The following PTGIR variants were observed in gnomAD, a reference collection of about 807,000 sequenced individuals.
The protein encoded by PTGIR is prostaglandin I2 receptor.
A neutral mutation model predicts 17.6 loss-of-function variants in PTGIR; 16 were observed. That is an observed-to-expected ratio of 0.91 (90% CI 0.61 to 1.38). The LOEUF (loss-of-function observed/expected upper bound fraction) is 1.38, where lower values mean the gene tolerates loss of function less well. PTGIR is among the 40% of genes most tolerant of loss of function. PTGIR has a pLI of 0.00. For missense variants in PTGIR, 532 were observed against 548.6 expected, an observed-to-expected ratio of 0.97 and a Z score of 0.30; for synonymous variants, 274 against 255.4, an observed-to-expected ratio of 1.07 and a Z score of -0.69.
At chr19:46,619,547 A>AAGAAAGAGAGAG (rs775594524), downstream of PTGIR, among the ~76,000 whole-genome samples, 4 of 87,818 alleles carry the variant, frequency 4.6e-5, no homozygotes, top group Non-Finnish European at 9.6e-5. Context: ...GAAAGAAAGA[A>AAGAAAGAGAGAG]AGAGAGAGAG....
At chr19:46,624,463 C>G (rs1289845171) in intron 1 of PTGIR, 7 of 435,854 alleles carry the variant, frequency 1.6e-5, no homozygotes, top group African/African-American at 4.1e-5. Flanking sequence ...TCTTTTCTTT[C>G]GTTTCTTTTG....
At position 46,621,720 on chromosome 19, in the gene PTGIR, T is replaced by A; in HGVS notation, c.769-48A>T. On this transcript the variant is annotated intron_variant, in intron 2 of 2. Coordinates refer to ENST00000291294, the MANE Select transcript of PTGIR (RefSeq NM_000960.4). The surrounding 1 kb of genome is among the most constrained non-coding windows in gnomAD (Gnocchi z 4.8). ...AAGGAGCACCCAGGAGTCCTCAGCC[T>A]CCCCACCCTGGCTCCCTCCTCCCAC... The A allele has an allele frequency of 6.4e-7, 1 of 1,561,194 alleles. No individual in the cohort carries two copies. Among genetic ancestry groups the A allele is most frequent in the Non-Finnish European group, 8.7e-7 (1 of 1,151,696 alleles).
chr19:46,623,735 T>C lies in PTGIR; in HGVS notation c.491A>G (p.Tyr164Cys). 6.3e-7 allele frequency: 1 copy of C among 1,594,692 alleles called. No individual in the cohort carries two copies. The highest frequency in any genetic ancestry group is 8.5e-7 in the Non-Finnish European group (1 of 1,173,900). The stretch of plus-strand genomic sequence containing the variant: ...GAGGAAGCACCAGCTGCCGGGGCAG[T>C]ACTGCTGGTGTTGGCCCAGGCCCAG... ...PLLGLGQHQQ[Y>C]CPGSWCFLRM... The change falls in exon 2 of 3, where the codon TAC (tyrosine) becomes TGC (cysteine). Residue 164 changes from tyrosine to cysteine, a missense_variant. Tyr to Cys is a radical substitution (Grantham distance 194). Coordinates refer to ENST00000291294, the MANE Select transcript of PTGIR (RefSeq NM_000960.4).
intron 2 of PTGIR, 126 bp downstream of exon 2, chr19:46,623,332 G>C (rs182018073): frequency 8.2e-5 from 97 of 1,187,948 alleles, no homozygotes; most frequent in Admixed American, 7.4e-4. Context: ...GATTACAGGC[G>C]TGAGCCACCA....
At chr19:46,611,388 CACAG>C in the PTGIR span, among the ~76,000 whole-genome samples, 11 of 152,182 alleles carry the variant, frequency 7.2e-5, no homozygotes, top group South Asian at 6.2e-4. Context: ...GCTTTAGTCT[CACAG>C]GCAGCCAAAA....
chr19:46,612,327 G>A, the PTGIR span, among the ~76,000 whole-genome samples: 1 of 152,214 alleles, frequency 6.6e-6, no homozygotes, highest in Non-Finnish European at 1.5e-5. Context: ...CTGAGGATTG[G>A]ATGAGGCTAC....
downstream of PTGIR, among the ~76,000 whole-genome samples, chr19:46,616,951 A>G (rs971393176): frequency 1.3e-5 from 2 of 152,264 alleles, no homozygotes; most frequent in Non-Finnish European, 2.9e-5. Flanking sequence ...CAGCCGAAAA[A>G]GTTCTGAGGG....
downstream of PTGIR, among the ~76,000 whole-genome samples, chr19:46,619,573 G>A (rs1373147614): frequency 0.11 from 12,344 of 107,834 alleles, 1,410 homozygotes; most frequent in Middle Eastern, 0.15. Flanking sequence ...GAGAGAGAGA[G>A]AGAGAGAGAG....
downstream of PTGIR, among the ~76,000 whole-genome samples, chr19:46,619,656 A>AG (rs1164634219): frequency 1.6e-5 from 2 of 124,064 alleles, no homozygotes; most frequent in African/African-American, 3.1e-5. Flanking sequence ...AAAGAAAGAA[A>AG]AGAAAGAAAG....
downstream of PTGIR, among the ~76,000 whole-genome samples, chr19:46,616,572 T>C (rs1232863061): frequency 1.3e-5 from 2 of 152,084 alleles, no homozygotes; most frequent in African/African-American, 4.8e-5. Flanking sequence ...GACCTTGTGA[T>C]CTGCCTGCAT....
the PTGIR span, among the ~76,000 whole-genome samples, chr19:46,613,405 C>G: frequency 2.1e-5 from 3 of 140,978 alleles, no homozygotes; most frequent in Non-Finnish European, 4.6e-5. Flanking sequence ...GGCGCCATCT[C>G]GGCTCACTGC....
chr19:46,624,236 G>A lies in PTGIR; in HGVS notation c.-11C>T, dbSNP rs1360070349. On this transcript the variant is annotated splice_region_variant and 5_prime_UTR_variant, in exon 2 of 3. Transcript: ENST00000291294. ...GCACGAATCCGCCATCCCAGGTCTG[G>A]GCTGGAGGGTTCCCAAGGTGGGGGG... The A allele has an allele frequency of 2.1e-6, 3 of 1,428,300 alleles. No homozygotes were observed. Among genetic ancestry groups the A allele is most frequent in the African/African-American group, 3.0e-5 (2 of 67,468 alleles). The allele number at this position is 1,428,300 out of a possible 1,614,324, so 88.5% of individuals were successfully genotyped here. A position where few individuals can be genotyped will look rare whatever the true frequency, so the allele number is the denominator to read the frequency against.
At chr19:46,616,297 A>T (rs1971961002), downstream of PTGIR, among the ~76,000 whole-genome samples, 1 of 146,064 alleles carries the variant, frequency 6.8e-6, no homozygotes, top group Non-Finnish European at 1.5e-5. Flanking sequence ...CAGATGCCCC[A>T]AGTTGGAGGT....
chr19:46,616,195 TGG>T (rs1971959232), downstream of PTGIR, among the ~76,000 whole-genome samples: 1 of 151,996 alleles, frequency 6.6e-6, no homozygotes, highest in African/African-American at 2.4e-5. Flanking sequence ...ATATTCCCAG[TGG>T]GCACGAGGCA....
At chr19:46,613,027 C>CTTTTTTTTTT in the PTGIR span, among the ~76,000 whole-genome samples, 2 of 74,238 alleles carry the variant, frequency 2.7e-5, no homozygotes, top group African/African-American at 5.6e-5. Flanking sequence ...TTGTGCCAAA[C>CTTTTTTTTTT]TTTTTTTTTT....
the PTGIR span, chr19:46,614,330 T>C: frequency 2.1e-6 from 2 of 953,464 alleles, no homozygotes; most frequent in African/African-American, 1.8e-5. Flanking sequence ...CGGAAGACCC[T>C]GAAGAGCTGC....
At chr19:46,619,581 G>A (rs1004165291), downstream of PTGIR, among the ~76,000 whole-genome samples, 16,242 of 85,936 alleles carry the variant, frequency 0.19, 2,316 homozygotes, top group Middle Eastern at 0.24. Context: ...GAGAGAGAGA[G>A]AGAAAGAAAG....
Position 46,623,999 on chromosome 19 carries a change from G to A in PTGIR, c.227C>T (p.Ala76Val), listed in dbSNP as rs745852824. 39 of 1,554,532 alleles carry A rather than the reference G, an allele frequency of 2.5e-5. No homozygotes were observed. Among genetic ancestry groups the A allele is most frequent in the Admixed American group, 9.7e-5 (5 of 51,802 alleles). ...FLSPAVFVAY[A>V]RNSSLLGLAR... ...CAGGCCCAGCAGGGAGCTGTTGCGC[G>A]CATAGGCCACGAACACGGCCGGGCT... The change falls in exon 2 of 3, where the codon GCG becomes GTG. Residue 76 changes from alanine (A) to valine (V), a missense_variant. Physicochemically the swap from Ala to Val is moderately conservative, Grantham distance 64. Transcript: ENST00000291294.
downstream of PTGIR, among the ~76,000 whole-genome samples, chr19:46,619,041 C>T (rs1281303587): frequency 1.3e-5 from 2 of 152,128 alleles, no homozygotes; most frequent in South Asian, 2.1e-4. Context: ...TTGCTTAATC[C>T]CCAAAGCCGC....
Sources: allele counts gnomAD v4.1 joint callset (sites outside exome capture counted in the v4.1 genomes callset), GRCh38; gene constraint gnomAD v4.1.1; non-coding constraint Gnocchi (gnomAD v3.1); transcripts MANE v1.5; gene names NCBI Gene and HGNC (gene_info 2026-07-23, HGNC 2026-07-21).